RNF144A: variants seen among roughly 807,000 people sequenced by gnomAD.
RNF144A encodes ring finger protein 144A.
In RNF144A, 11 loss-of-function variants were observed where a neutral mutation model predicts 38.7. The ratio of observed to expected loss-of-function variants is 0.28; its 90% CI spans 0.18 to 0.47. RNF144A has a LOEUF of 0.47. RNF144A is among the 20% of genes least tolerant of loss of function. The pLI, the probability that RNF144A is intolerant of heterozygous loss-of-function variation, is 0.99. For synonymous variants in RNF144A, 149 were observed against 143.9 expected, an observed-to-expected ratio of 1.04 and a Z score of -0.25; for missense variants, 316 against 377.2, an observed-to-expected ratio of 0.84 and a Z score of 1.34.
chr2:6,996,468 C>T (rs1314387162), intron 2 of RNF144A, among the ~76,000 whole-genome samples: 1 of 152,088 alleles, frequency 6.6e-6, no homozygotes, highest in Non-Finnish European at 1.5e-5. Context: ...GGGAGCCACT[C>T]ACAGACCCCA....
chr2:6,998,860 C>T (rs1314266833), intron 3 of RNF144A, among the ~76,000 whole-genome samples: 2 of 150,430 alleles, frequency 1.3e-5, no homozygotes, highest in Non-Finnish European at 2.9e-5. Context: ...CCCAACTGAT[C>T]GAATGGCTCC....
At chr2:6,936,989 G>A (rs1288655515) in intron 1 of RNF144A, among the ~76,000 whole-genome samples, 1 of 152,030 alleles carries the variant, frequency 6.6e-6, no homozygotes, top group African/African-American at 2.4e-5. Context: ...CTGAGCACAT[G>A]GTCGGGGTGC....
chr2:6,924,217 G>A (rs1283953501), intron 1 of RNF144A, among the ~76,000 whole-genome samples: 1 of 152,216 alleles, frequency 6.6e-6, no homozygotes, highest in Non-Finnish European at 1.5e-5. Flanking sequence ...TGCAGAGAGA[G>A]AATCCTGGGT....
intron 2 of RNF144A, among the ~76,000 whole-genome samples, chr2:6,947,720 CA>C (rs902902768): frequency 3.3e-5 from 5 of 151,948 alleles, no homozygotes; most frequent in Non-Finnish European, 5.9e-5. Context: ...GTATTTAAGC[CA>C]AAAAAAGGGA....
At chr2:6,981,374 C>T (rs1200320583) in intron 2 of RNF144A, among the ~76,000 whole-genome samples, 1 of 151,962 alleles carries the variant, frequency 6.6e-6, no homozygotes, top group Non-Finnish European at 1.5e-5. Flanking sequence ...CATATCGTCT[C>T]TTTGTGAATG....
chr2:7,030,843 G>C (rs1186250838), intron 8 of RNF144A, among the ~76,000 whole-genome samples: 1 of 151,926 alleles, frequency 6.6e-6, no homozygotes, highest in Non-Finnish European at 1.5e-5. Context: ...TGGGAGCCCT[G>C]AGCTTGTTTT....
intron 3 of RNF144A, among the ~76,000 whole-genome samples, chr2:7,002,500 C>G (rs566193312): frequency 1.3e-5 from 2 of 152,078 alleles, no homozygotes; most frequent in Middle Eastern, 3.2e-3. Flanking sequence ...AAAGCATGAA[C>G]GGATAGAGCC....
rs1407525089 is a variant in RNF144A, at chr2:7,041,780, C to T, written c.*2020C>T. The T allele has an allele frequency of 3.6e-5, 35 of 985,526 alleles. No homozygotes were observed. Among genetic ancestry groups the T allele is most frequent in the Non-Finnish European group, 3.9e-5 (32 of 830,116 alleles). 61.0% of individuals were successfully genotyped at this position (985,526 alleles called of 1,614,324 possible). ...TCCTTCCTGCCTGAAATTGCTGCTG[C>T]CCATCGCATGAGCCCACACAGTAGC... is the stretch of plus-strand genomic sequence containing the variant. On this transcript the variant is annotated 3_prime_UTR_variant, in exon 9 of 9. Transcript: ENST00000320892.
chr2:6,930,563 CTGTA>C (rs1322173729), intron 1 of RNF144A, among the ~76,000 whole-genome samples: 1 of 151,514 alleles, frequency 6.6e-6, no homozygotes. Context: ...CTTTATCTAT[CTGTA>C]TATACATACA....
chr2:6,976,602 T>C (rs1668331812), intron 2 of RNF144A, among the ~76,000 whole-genome samples: 1 of 148,470 alleles, frequency 6.7e-6, no homozygotes, highest in Non-Finnish European at 1.5e-5. Flanking sequence ...ATAAATTTCA[T>C]ATATAATGAT....
intron 2 of RNF144A, among the ~76,000 whole-genome samples, chr2:6,990,572 A>ACACACACACACACACACACAC (rs377124161): frequency 1.2e-5 from 1 of 83,934 alleles, no homozygotes; most frequent in African/African-American, 5.1e-5. Flanking sequence ...TACACACACA[A>ACACACACACACACACACACAC]ACACACACAC....
chr2:7,024,379 A>G lies in RNF144A; in HGVS notation c.520A>G (p.Lys174Glu), dbSNP rs997534005. 2 of 1,606,912 alleles carry G rather than the reference A, an allele frequency of 1.2e-6. No individual in the cohort carries two copies. Among genetic ancestry groups the G allele is most frequent in the Non-Finnish European group, 8.5e-7 (1 of 1,173,762 alleles). The change falls in exon 7 of 9, where the codon AAA becomes GAA. Residue 174 changes from lysine to glutamate, a missense_variant. Coordinates refer to ENST00000320892, the MANE Select transcript of RNF144A (RefSeq NM_014746.6). ...GCGTTTCTCCCACAGTGCTGCTTTC[A>G]AAATGGAAGAAGATGACGCGCCCAT... ...FLPGETSAAFKMEEDDAPIKR... is the reference protein window; with the variant it reads ...FLPGETSAAFEMEEDDAPIKR...
chr2:7,069,819 A>T (rs1674392556), downstream of RNF144A, among the ~76,000 whole-genome samples: 1 of 152,242 alleles, frequency 6.6e-6, no homozygotes, highest in South Asian at 2.1e-4. Flanking sequence ...TCTAACTAGA[A>T]GTATCTTAAC....
intron 1 of RNF144A, chr2:6,918,615 T>A (rs1664304909): frequency 1.3e-5 from 2 of 149,778 alleles, no homozygotes; most frequent in Admixed American, 1.3e-4. Flanking sequence ...ATACAAAAAA[T>A]TAGCCGGGCG....
chr2:6,920,697 AG>A (rs1294522651), intron 1 of RNF144A, among the ~76,000 whole-genome samples: 1 of 152,208 alleles, frequency 6.6e-6, no homozygotes, highest in Non-Finnish European at 1.5e-5. Context: ...ATGAAGTTGG[AG>A]GTGCCTTTCT....
intron 8 of RNF144A, among the ~76,000 whole-genome samples, chr2:7,038,604 G>A (rs188400861): frequency 1.3e-4 from 20 of 152,120 alleles, no homozygotes; most frequent in Admixed American, 9.2e-4. Context: ...TGGAGAGAGA[G>A]AAGGAAGGGA....
At position 7,020,469 on chromosome 2, in the gene RNF144A, C is replaced by G. The variant is rs1385653179; in HGVS notation, c.302-4C>G. The stretch of plus-strand genomic sequence containing the variant: ...GATTTGTCCATTTTGTCTCACTGTA[C>G]CAGAGGTGCTGTTTGATCCCTGTCG... On this transcript the variant is annotated splice_polypyrimidine_tract_variant and splice_region_variant and intron_variant, in intron 5 of 8. Coordinates refer to ENST00000320892, the MANE Select transcript of RNF144A (RefSeq NM_014746.6). The G allele has an allele frequency of 6.8e-6, 11 of 1,613,202 alleles. No individual in the cohort carries two copies. The highest frequency in any genetic ancestry group is 1.3e-5 in the African/African-American group (1 of 74,912).
chr2:7,011,542 C>G (rs1340025251), intron 3 of RNF144A, among the ~76,000 whole-genome samples: 2 of 152,212 alleles, frequency 1.3e-5, no homozygotes, highest in Non-Finnish European at 2.9e-5. Flanking sequence ...AGCATGGTAA[C>G]ACGCCATATG....
rs374796542 is a variant in RNF144A, at chr2:6,981,035, G to T, written c.-11-15881G>T. On this transcript the variant is annotated intron_variant, in intron 2 of 8. Transcript: ENST00000320892. ...TTGGCCTCTTTTAGCTACAGCTGTAGCAGCTGGAACCCAGGGTGCCATGTC... is the reference window on the plus strand; with the variant it reads ...TTGGCCTCTTTTAGCTACAGCTGTATCAGCTGGAACCCAGGGTGCCATGTC... Among the ~76,000 whole-genome samples the T allele has an allele frequency of 1.8e-4, 27 of 152,238 alleles. No individual in the cohort carries two copies. The East Asian group carries it at 1.9e-3, about 11-fold the overall frequency.
Sources: gnomAD v4.1 joint callset for allele counts (sites outside exome capture counted in the v4.1 genomes callset) on GRCh38, gnomAD v4.1.1 for gene constraint, MANE v1.5 for transcripts, NCBI Gene and HGNC (gene_info 2026-07-23, HGNC 2026-07-21) for gene names.